The following SEMA6C variants were observed in gnomAD, a reference collection of about 807,000 sequenced individuals.
SEMA6C encodes semaphorin-6C.
SEMA6C carries 37 observed loss-of-function variants against 72.9 expected under a neutral mutation model. The observed-to-expected ratio is 0.51, with a 90% CI of 0.39 to 0.67. The LOEUF is 0.67. Ranked by LOEUF, SEMA6C falls within the 30% of genes least tolerant of loss-of-function variation. The pLI, the probability that SEMA6C is intolerant of heterozygous loss-of-function variation, is 0.00. For synonymous variants in SEMA6C, 578 were observed against 554.1 expected (o/e 1.04, Z -0.61); for missense variants, 1,189 against 1,263.6 (o/e 0.94, Z 0.89).
At chr1:151,140,340 G>A (rs1330012905) in intron 3 of SEMA6C, among the ~76,000 whole-genome samples, 2 of 152,238 alleles carry the variant, frequency 1.3e-5, no homozygotes, top group African/African-American at 4.8e-5. Context: ...TGAGGAGCCT[G>A]AGACTAGAAG....
chr1:151,132,333 A>G lies in SEMA6C; in HGVS notation c.*151T>C. The G allele has an allele frequency of 6.5e-7, 1 of 1,541,114 alleles. No homozygotes were observed. Among genetic ancestry groups the G allele is most frequent in the Non-Finnish European group, 8.7e-7 (1 of 1,144,650 alleles). On this transcript the variant is annotated 3_prime_UTR_variant, in exon 19 of 19. Coordinates refer to ENST00000368914, the MANE Select transcript of SEMA6C (RefSeq NM_030913.6). The stretch of plus-strand genomic sequence containing the variant: ...AGGGGGAAAGACAGTCAATAAATAA[A>G]CCCGAGGCGAAAAGGGGCCTCGGGA...
In SEMA6C at chr1:151,138,532, A is replaced by C. The variant is rs1357519588; in HGVS notation, c.456+98T>G. On this transcript the variant is annotated intron_variant, in intron 7 of 18. Coordinates refer to ENST00000368914, the MANE Select transcript of SEMA6C (RefSeq NM_030913.6). Reference sequence around the variant, plus strand: ...GGACCCTTGCATTCTGGGCACTCCCATTCCCCAACCGCAGTCCTTGGTCCT... The same window carrying C: ...GGACCCTTGCATTCTGGGCACTCCCCTTCCCCAACCGCAGTCCTTGGTCCT... The C allele has an allele frequency of 2.8e-6, 4 of 1,444,362 alleles. No homozygotes were observed. In the Admixed American group the frequency reaches 7.4e-5, roughly 27 times the overall value. The allele number at this position is 1,444,362 out of a possible 1,614,324, so 89.5% of individuals were successfully genotyped here.
rs772594785 is a variant in SEMA6C, at chr1:151,132,154, G to A, written c.*330C>T. 407 of 1,361,640 alleles carry A rather than the reference G, an allele frequency of 3.0e-4. No individual in the cohort carries two copies. The highest frequency in any genetic ancestry group is 2.3e-3 in the Middle Eastern group (8 of 3,526). The allele number at this position is 1,361,640 out of a possible 1,614,324, so 84.3% of individuals were successfully genotyped here. On this transcript the variant is annotated 3_prime_UTR_variant, in exon 19 of 19. Coordinates refer to ENST00000368914, the MANE Select transcript of SEMA6C (RefSeq NM_030913.6). ...GAGGACTCTGGACACAGCGCGCGCG[G>A]CCCGCCCGGGGCACAGTCTCTGGGG...
Position 151,133,906 on chromosome 1 carries a change from C to T in SEMA6C, c.1760-389G>A. ...ATTCAGTGAGGGGCTTAGAACGCTCCGAGAATCAGCAGCCCCACACTTCAC... is the reference window on the plus strand; with the variant it reads ...ATTCAGTGAGGGGCTTAGAACGCTCTGAGAATCAGCAGCCCCACACTTCAC... On this transcript the variant is annotated intron_variant, in intron 18 of 18. Transcript: ENST00000368914. This position sits in a 1 kb window ranked among gnomAD's most constrained non-coding sequence, Gnocchi z 5.9. 1 of 1,412,166 alleles carries T rather than the reference C, an allele frequency of 7.1e-7. No homozygotes were observed. Among genetic ancestry groups the T allele is most frequent in the Non-Finnish European group, 9.8e-7 (1 of 1,021,446 alleles). The allele number at this position is 1,412,166 out of a possible 1,614,324, so 87.5% of individuals were successfully genotyped here.
At chr1:151,135,387 G>T (rs587734681) in intron 14 of SEMA6C, 78 bp from the exon 15 acceptor site, 283 of 1,551,098 alleles carry the variant, frequency 1.8e-4, no homozygotes, top group Non-Finnish European at 2.2e-4. Flanking sequence ...AACAGAAAGC[G>T]GGGAGGCACA....
At chr1:151,134,025 G>A in intron 18 of SEMA6C, 1 of 1,535,096 alleles carries the variant, frequency 6.5e-7, no homozygotes, top group Non-Finnish European at 8.8e-7. Flanking sequence ...AGGACTGGGG[G>A]TCCCAGGGGA....
rs1439413375 is a variant in SEMA6C at position 151,132,319 on chromosome 1, C to CA, written c.*164dup. Reference sequence around the variant, plus strand: ...CTTCTGTCGAGGACAGGGGGAAAGACAGTCAATAAATAAACCCGAGGCGAA... The same window carrying CA: ...CTTCTGTCGAGGACAGGGGGAAAGACAAGTCAATAAATAAACCCGAGGCGAA... On this transcript the variant is annotated 3_prime_UTR_variant, in exon 19 of 19. Transcript: ENST00000368914. 3.2e-6 allele frequency: 5 copies of CA among 1,540,416 alleles called. No homozygotes were observed. Among genetic ancestry groups the CA allele is most frequent in the Non-Finnish European group, 4.4e-6 (5 of 1,145,956 alleles).
Position 151,132,812 on chromosome 1 carries a change from A to ACGT in SEMA6C, c.2462_2464dup (p.Asp821dup). ...AGAGGCGCACCTGCCCTCGGGGGGCACGTCCAGCCTCAGCGGCGAGGCGCA... is the reference window on the plus strand; with the variant it reads ...AGAGGCGCACCTGCCCTCGGGGGGCACGTCGTCCAGCCTCAGCGGCGAGGCGCA... On this transcript the variant is annotated inframe_insertion, in exon 19 of 19. Coordinates refer to ENST00000368914, the MANE Select transcript of SEMA6C (RefSeq NM_030913.6). 7.6e-7 allele frequency: 1 copy of ACGT among 1,310,466 alleles called. No individual in the cohort carries two copies. The highest frequency in any genetic ancestry group is 9.7e-7 in the Non-Finnish European group (1 of 1,028,352). The allele number at this position is 1,310,466 out of a possible 1,614,324, so 81.2% of individuals were successfully genotyped here.
At chr1:151,135,946 G>A in intron 13 of SEMA6C, 65 bp downstream of exon 13, 1 of 1,603,600 alleles carries the variant, frequency 6.2e-7, no homozygotes, top group Non-Finnish European at 8.5e-7. Context: ...TACCTTGTTG[G>A]GTCAAAGAAA....
Position 151,133,961 on chromosome 1 carries a change from C to A in SEMA6C, c.1759+440G>T, listed in dbSNP as rs1277074772. On this transcript the variant is annotated intron_variant, in intron 18 of 18. Coordinates refer to ENST00000368914, the MANE Select transcript of SEMA6C (RefSeq NM_030913.6). This position sits in a 1 kb window ranked among gnomAD's most constrained non-coding sequence, Gnocchi z 5.9. Reference sequence around the variant, plus strand: ...ATCTCTCCCAAGTAGCCCCCTTACCCCGAGTGTGAACTCCAAGAGTGGAAG... The same window carrying A: ...ATCTCTCCCAAGTAGCCCCCTTACCACGAGTGTGAACTCCAAGAGTGGAAG... The A allele has an allele frequency of 6.5e-7, 1 of 1,547,936 alleles. No individual in the cohort carries two copies. Among genetic ancestry groups the A allele is most frequent in the Admixed American group, 2.0e-5 (1 of 50,818 alleles).
In SEMA6C at chr1:151,139,668, T is replaced by A. The variant is rs1558186855; in HGVS notation, c.267A>T (p.Glu89Asp). The change falls in exon 5 of 19, where the codon GAA becomes GAT. Residue 89 changes from glutamate (E) to aspartate (D), a missense_variant. By Grantham distance (45) the Glu-to-Asp change is conservative. Transcript: ENST00000368914. Reference protein sequence around the residue: ...DHVFSFDLQAEEEGEGLVPNK... With the variant: ...DHVFSFDLQADEEGEGLVPNK... ...TGGGCACCAGCCCCTCCCCTTCTTCTTCGGCTTGAAGATCGAAGGAGAAAA... is the reference window on the plus strand; with the variant it reads ...TGGGCACCAGCCCCTCCCCTTCTTCATCGGCTTGAAGATCGAAGGAGAAAA... 1.2e-6 allele frequency: 2 copies of A among 1,606,842 alleles called. No individual in the cohort carries two copies. The highest frequency in any genetic ancestry group is 1.7e-6 in the Non-Finnish European group (2 of 1,174,608).
rs1391507161 is a variant in SEMA6C at position 151,138,790 on chromosome 1, T to C, written c.355-59A>G. The stretch of plus-strand genomic sequence containing the variant: ...GGGTCCTGGGACTGAGAACAGGAGG[T>C]AATAGAAAGGTGGGCTTACAGGGCG... On this transcript the variant is annotated intron_variant, in intron 6 of 18. Transcript: ENST00000368914. 3 of 1,382,596 alleles carry C rather than the reference T, an allele frequency of 2.2e-6. No individual in the cohort carries two copies. In the East Asian group the frequency reaches 6.9e-5, roughly 32 times the overall value. The allele number at this position is 1,382,596 out of a possible 1,614,324, so 85.6% of individuals were successfully genotyped here.
rs780802862 is a variant in SEMA6C, at chr1:151,133,216, C to T, written c.2061G>A (p.Pro687=). The T allele has an allele frequency of 1.4e-4, 228 of 1,576,892 alleles. No homozygotes were observed. The highest frequency in any genetic ancestry group is 1.8e-4 in the Non-Finnish European group (215 of 1,168,482). The change falls in exon 19 of 19, where the codon CCG becomes CCA. Residue 687 remains proline (P), a synonymous_variant. Transcript: ENST00000368914. The surrounding 1 kb of genome is among the most constrained non-coding windows in gnomAD (Gnocchi z 5.9). ...CCAGCTCCGGCGGGGGCACGCCCTC[C>T]GGAGGCGGCAGGAAGGTGGTGTAGA... The part of the protein sequence containing the change: ...PQLYTTFLPP[P]EGVPPPELAC...
chr1:151,134,751 T>C (rs995031405), intron 16 of SEMA6C, 47 bp downstream of exon 16: 12 of 1,612,498 alleles, frequency 7.4e-6, no homozygotes, highest in Non-Finnish European at 9.3e-6. Context: ...GCTTGTCTTA[T>C]TGGTGGGGAA....
Position 151,132,803 on chromosome 1 carries a change from T to G in SEMA6C, c.2474A>C (p.Glu825Ala), listed in dbSNP as rs1164647334. ...ASPLRLDVPP[E>A]GRCASAPARP... ...GGCGGGGGCAGAGGCGCACCTGCCC[T>G]CGGGGGGCACGTCCAGCCTCAGCGG... The change falls in exon 19 of 19, where the codon GAG (glutamate) becomes GCG (alanine). Residue 825 changes from glutamate to alanine, a missense_variant. By Grantham distance (107) the Glu-to-Ala change is moderately radical. Coordinates refer to ENST00000368914, the MANE Select transcript of SEMA6C (RefSeq NM_030913.6). 7.5e-7 allele frequency: 1 copy of G among 1,331,268 alleles called. No individual in the cohort carries two copies. Among genetic ancestry groups the G allele is most frequent in the Non-Finnish European group, 9.6e-7 (1 of 1,037,926 alleles). 82.5% of individuals were successfully genotyped at this position (1,331,268 alleles called of 1,614,324 possible).
chr1:151,133,309 C>A lies in SEMA6C; in HGVS notation c.1968G>T (p.Arg656=). The change falls in exon 19 of 19, where the codon CGG becomes CGT. Residue 656 remains arginine (R), a synonymous_variant. Transcript: ENST00000368914. This position sits in a 1 kb window ranked among gnomAD's most constrained non-coding sequence, Gnocchi z 5.9. ...PRPLSLRSLA[R]LHGGGPEPPP... is the part of the protein sequence containing the mutation. The stretch of plus-strand genomic sequence containing the variant: ...GGGGCTCTGGGCCCCCACCGTGGAG[C>A]CGGGCCAAACTGCGGAGGGAGAGAG... The A allele has an allele frequency of 6.3e-7, 1 of 1,586,058 alleles. No individual in the cohort carries two copies. The highest frequency in any genetic ancestry group is 8.5e-7 in the Non-Finnish European group (1 of 1,169,686).
intron 18 of SEMA6C, chr1:151,134,025 G>T (rs1326165306): frequency 1.2e-5 from 19 of 1,535,096 alleles, no homozygotes; most frequent in Non-Finnish European, 1.6e-5. Flanking sequence ...AGGACTGGGG[G>T]TCCCAGGGGA....
At chr1:151,139,361 T>A (rs12078857) in intron 6 of SEMA6C, 64 bp downstream of exon 6, 1 of 1,399,706 alleles carries the variant, frequency 7.1e-7, no homozygotes, top group South Asian at 1.2e-5. Flanking sequence ...AGAGGACCAG[T>A]TGGACAGAGA....
chr1:151,135,900 C>T, intron 13 of SEMA6C, 111 bp downstream of exon 13: 1 of 1,536,538 alleles, frequency 6.5e-7, no homozygotes, highest in African/African-American at 1.4e-5. Flanking sequence ...TCTCTCCCTT[C>T]TACTTTCACA....
Sources: allele counts gnomAD v4.1 joint callset (sites outside exome capture counted in the v4.1 genomes callset), GRCh38; gene constraint gnomAD v4.1.1; non-coding constraint Gnocchi (gnomAD v3.1); transcripts MANE v1.5; gene names NCBI Gene and HGNC (gene_info 2026-07-23, HGNC 2026-07-21).